Variants in MBNL1 observed in about 807,000 individuals in gnomAD.
The protein encoded by MBNL1 is muscleblind-like protein 1.
A neutral mutation model predicts 42.2 loss-of-function variants in MBNL1; 8 were observed. The observed-to-expected ratio is 0.19, with a 90% CI of 0.11 to 0.34. The LOEUF (loss-of-function observed/expected upper bound fraction) is 0.34. Ranked by LOEUF, MBNL1 falls within the 10% of genes least tolerant of loss-of-function variation. The probability of loss-of-function intolerance (pLI) is 1.00; values close to 1 mark genes in which losing one functional copy is unlikely to be tolerated. For missense variants in MBNL1, 309 were observed against 495.3 expected (o/e 0.62, Z 3.57); for synonymous variants, 169 against 173.9 (o/e 0.97, Z 0.22).
chr3:152,395,039 T>A (rs946390667), intron 2 of MBNL1, among the ~76,000 whole-genome samples: 5 of 152,080 alleles, frequency 3.3e-5, no homozygotes, highest in African/African-American at 1.2e-4. Context: ...TTGTTTGTAT[T>A]TTAGTAGAGA....
rs1015633049 is a variant in MBNL1 at position 152,462,933 on chromosome 3, A to G, written c.*567A>G. 1.2e-4 allele frequency: 18 copies of G among 152,486 alleles called. No homozygotes were observed. Among genetic ancestry groups the G allele is most frequent in the African/African-American group, 4.3e-4 (18 of 41,418 alleles). 9.4% of individuals were successfully genotyped at this position (152,486 alleles called of 1,614,324 possible). A position where few individuals can be genotyped will look rare whatever the true frequency, so the allele number is the denominator to read the frequency against. On this transcript the variant is annotated 3_prime_UTR_variant, in exon 10 of 10. Transcript: ENST00000324210. The stretch of plus-strand genomic sequence containing the variant: ...GATTGTAAGACGTGGTGAGGGAGGG[A>G]TCTGACAGAGATGAATGTGCCAAGC...
chr3:152,256,173 T>G (rs760418610), intron 2 of MBNL1, among the ~76,000 whole-genome samples: 3 of 152,182 alleles, frequency 2.0e-5, no homozygotes, highest in Non-Finnish European at 4.4e-5. Flanking sequence ...GGTAAAAGTT[T>G]CATAGGAGAT....
At chr3:152,384,688 T>A (rs987629503) in intron 2 of MBNL1, among the ~76,000 whole-genome samples, 3 of 152,136 alleles carry the variant, frequency 2.0e-5, no homozygotes, top group African/African-American at 7.2e-5. Context: ...CAGGTGCAGG[T>A]TTTATATGAT....
At chr3:152,315,538 A>G (rs146644248) in intron 2 of MBNL1, among the ~76,000 whole-genome samples, 4 of 152,306 alleles carry the variant, frequency 2.6e-5, no homozygotes, top group African/African-American at 4.8e-5. Flanking sequence ...CGTATTTGAT[A>G]AAAAAATTTC....
At chr3:152,405,421 T>C (rs1314785150) in intron 2 of MBNL1, among the ~76,000 whole-genome samples, 1 of 152,174 alleles carries the variant, frequency 6.6e-6, no homozygotes, top group African/African-American at 2.4e-5. Flanking sequence ...TTGAAAACAG[T>C]ACCTGGAATA....
chr3:152,281,104 A>G (rs2048187720), intron 1 of MBNL1, among the ~76,000 whole-genome samples: 1 of 152,154 alleles, frequency 6.6e-6, no homozygotes, highest in Admixed American at 6.5e-5. Context: ...CTTTCTTCGT[A>G]GGAACTTATT....
chr3:152,295,367 C>G (rs1426242341), intron 1 of MBNL1, among the ~76,000 whole-genome samples: 1 of 152,050 alleles, frequency 6.6e-6, no homozygotes, highest in Non-Finnish European at 1.5e-5. Context: ...ATATGACTAC[C>G]AAGCAATGCA....
At position 152,340,480 on chromosome 3, in the gene MBNL1, G is replaced by T. The variant is rs747000682; in HGVS notation, c.174+40113G>T. 31 of 1,520,524 alleles carry T rather than the reference G, an allele frequency of 2.0e-5. No homozygotes were observed. In the South Asian group the frequency reaches 4.0e-4, roughly 20 times the overall value. 94.2% of individuals were successfully genotyped at this position (1,520,524 alleles called of 1,614,324 possible). ...AAATATCAGACTATGTGAATTTATA[G>T]ACTTATTTCTCAGAGTATATTAAAA... On this transcript the variant is annotated intron_variant, in intron 2 of 9. Transcript: ENST00000324210.
chr3:152,446,595 C>A, intron 5 of MBNL1: 3 of 735,588 alleles, frequency 4.1e-6, no homozygotes, highest in Non-Finnish European at 7.0e-6. Context: ...TCTCACCTAC[C>A]CAAAAATGCA....
At chr3:152,249,468 T>C (rs1316113847) in intron 2 of MBNL1, among the ~76,000 whole-genome samples, 1 of 104,474 alleles carries the variant, frequency 9.6e-6, no homozygotes, top group Admixed American at 1.0e-4. Flanking sequence ...TGGGGTTGTT[T>C]GTTTTTTTCT....
At chr3:152,399,408 A>G (rs1438451177) in intron 2 of MBNL1, among the ~76,000 whole-genome samples, 1 of 152,168 alleles carries the variant, frequency 6.6e-6, no homozygotes, top group East Asian at 1.9e-4. Context: ...ATGTCTACAC[A>G]TACTGTATTT....
intron 2 of MBNL1, among the ~76,000 whole-genome samples, chr3:152,377,690 T>C (rs1468028525): frequency 6.6e-6 from 1 of 152,212 alleles, no homozygotes; most frequent in African/African-American, 2.4e-5. Flanking sequence ...TCTTTGGTAT[T>C]GTTTAAAATT....
chr3:152,245,455 A>G (rs2032698434), intron 2 of MBNL1, among the ~76,000 whole-genome samples: 1 of 152,154 alleles, frequency 6.6e-6, no homozygotes, highest in Admixed American at 6.6e-5. Flanking sequence ...TCATAATTGA[A>G]TCCTTTTGAG....
At chr3:152,408,873 CAT>C (rs998384373) in intron 2 of MBNL1, among the ~76,000 whole-genome samples, 1 of 152,118 alleles carries the variant, frequency 6.6e-6, no homozygotes, top group Non-Finnish European at 1.5e-5. Flanking sequence ...TGCTGCTAAA[CAT>C]AGTACAATGC....
At chr3:152,398,833 A>T (rs1481728210) in intron 2 of MBNL1, among the ~76,000 whole-genome samples, 1 of 152,142 alleles carries the variant, frequency 6.6e-6, no homozygotes, top group African/African-American at 2.4e-5. Flanking sequence ...TGCTCTTTCA[A>T]ACTTGTTTCC....
chr3:152,295,618 G>T (rs747159681), intron 1 of MBNL1, among the ~76,000 whole-genome samples: 1 of 152,186 alleles, frequency 6.6e-6, no homozygotes, highest in South Asian at 2.1e-4. Flanking sequence ...ATAACATTGA[G>T]GGGGAGAGGT....
chr3:152,341,870 A>T (rs1183971567), intron 2 of MBNL1, among the ~76,000 whole-genome samples: 1 of 152,210 alleles, frequency 6.6e-6, no homozygotes, highest in African/African-American at 2.4e-5. Flanking sequence ...CTTCAAAAAC[A>T]AAATATTCCT....
intron 2 of MBNL1, among the ~76,000 whole-genome samples, chr3:152,353,222 C>T (rs1378928173): frequency 1.3e-5 from 2 of 152,206 alleles, no homozygotes; most frequent in African/African-American, 2.4e-5. Context: ...CATCCAACTA[C>T]TCAGGAATCC....
At chr3:152,424,007 G>A (rs1267269485) in intron 3 of MBNL1, among the ~76,000 whole-genome samples, 2 of 151,926 alleles carry the variant, frequency 1.3e-5, no homozygotes, top group African/African-American at 4.9e-5. Flanking sequence ...TATTCCCTTT[G>A]AAAACTGGCA....
Sources: allele counts gnomAD v4.1 joint callset (sites outside exome capture counted in the v4.1 genomes callset), GRCh38; gene constraint gnomAD v4.1.1; transcripts MANE v1.5; gene names NCBI Gene and HGNC (gene_info 2026-07-23, HGNC 2026-07-21).